Variants in SCAF8 observed in about 807,000 individuals in gnomAD.
The protein encoded by SCAF8 is SR-related and CTD-associated factor 8.
SCAF8 carries 23 observed loss-of-function variants against 140.5 expected under a neutral mutation model. The ratio of observed to expected loss-of-function variants is 0.16; its 90% CI spans 0.12 to 0.23. The LOEUF (loss-of-function observed/expected upper bound fraction) is 0.23, where lower values mean the gene tolerates loss of function less well. Ranked by LOEUF, SCAF8 falls within the 10% of genes least tolerant of loss-of-function variation. The pLI, the probability that SCAF8 is intolerant of heterozygous loss-of-function variation, is 1.00. For synonymous variants in SCAF8, 575 were observed against 528.9 expected (o/e 1.09, Z -1.20); for missense variants, 1,397 against 1,555.7 (o/e 0.90, Z 1.72).
At position 154,833,677 on chromosome 6, in the gene SCAF8, A is replaced by T. The variant is rs1022510567; in HGVS notation, c.*282A>T. On this transcript the variant is annotated 3_prime_UTR_variant, in exon 20 of 20. Transcript: ENST00000367178. ...AAGGAAATGAATAACAGCTTGTCAG[A>T]GACTTCCTATGGAAGAAAGAATTTT... 4 of 282,586 alleles carry T rather than the reference A, an allele frequency of 1.4e-5. No homozygotes were observed. The highest frequency in any genetic ancestry group is 9.6e-5 in the Admixed American group (2 of 20,892). The allele number at this position is 282,586 out of a possible 1,614,324, so 17.5% of individuals were successfully genotyped here. A position where few individuals can be genotyped will look rare whatever the true frequency, so the allele number is the denominator to read the frequency against.
Position 154,802,165 on chromosome 6 carries a change from G to C in SCAF8, c.783+18G>C. The C allele has an allele frequency of 3.3e-6, 5 of 1,501,310 alleles. No homozygotes were observed. The highest frequency in any genetic ancestry group is 4.5e-6 in the Non-Finnish European group (5 of 1,107,522). 93.0% of individuals were successfully genotyped at this position (1,501,310 alleles called of 1,614,324 possible). A position where few individuals can be genotyped will look rare whatever the true frequency, so the allele number is the denominator to read the frequency against. ...TTAACAAGGTAGAAATTAAAATATC[G>C]GATCAAGTCTATATGAATTATTAAA... On this transcript the variant is annotated intron_variant, in intron 7 of 19. Transcript: ENST00000367178.
intron 8 of SCAF8, among the ~76,000 whole-genome samples, chr6:154,804,931 A>G (rs553563280): frequency 2.0e-3 from 298 of 152,294 alleles, no homozygotes; most frequent in Non-Finnish European, 2.7e-3. Flanking sequence ...TAGTTTTATA[A>G]ATTTTATGGT....
At chr6:154,735,683 T>C (rs1778397753) in intron 1 of SCAF8, among the ~76,000 whole-genome samples, 1 of 151,920 alleles carries the variant, frequency 6.6e-6, no homozygotes, top group South Asian at 2.1e-4. Flanking sequence ...CCCGCTAATT[T>C]TTGTATTTTT....
At chr6:154,746,254 G>C (rs1778696354) in intron 1 of SCAF8, among the ~76,000 whole-genome samples, 3 of 152,166 alleles carry the variant, frequency 2.0e-5, no homozygotes, top group South Asian at 4.2e-4. Context: ...TTTTGACTAG[G>C]CAAGCTGGCT....
intron 17 of SCAF8, among the ~76,000 whole-genome samples, chr6:154,825,720 G>A (rs1219879262): frequency 3.4e-5 from 5 of 147,942 alleles, no homozygotes; most frequent in African/African-American, 1.3e-4. Flanking sequence ...GAAGAATGAT[G>A]GAGAGATACT....
chr6:154,781,704 C>T (rs962072080), intron 3 of SCAF8, among the ~76,000 whole-genome samples: 1 of 152,150 alleles, frequency 6.6e-6, no homozygotes, highest in African/African-American at 2.4e-5. Flanking sequence ...TGGGGTTCAT[C>T]TGGGTTGTTT....
chr6:154,787,463 C>T (rs1430142936), intron 3 of SCAF8, among the ~76,000 whole-genome samples: 2 of 152,170 alleles, frequency 1.3e-5, no homozygotes, highest in Admixed American at 6.5e-5. Context: ...CGTAGGAACC[C>T]TTTTGTTGTG....
intron 1 of SCAF8, among the ~76,000 whole-genome samples, chr6:154,741,661 C>T (rs917611866): frequency 6.6e-6 from 1 of 152,184 alleles, no homozygotes; most frequent in African/African-American, 2.4e-5. Context: ...CCCGCCTCGG[C>T]CTCCCAAAGT....
chr6:154,749,918 C>T (rs926319198), intron 1 of SCAF8, among the ~76,000 whole-genome samples: 2 of 151,888 alleles, frequency 1.3e-5, no homozygotes, highest in Non-Finnish European at 2.9e-5. Flanking sequence ...GGATGAGGGG[C>T]TCAATTAAAG....
chr6:154,833,069 G>C lies in SCAF8; in HGVS notation c.3490G>C (p.Asp1164His). The C allele has an allele frequency of 6.2e-7, 1 of 1,614,170 alleles. No individual in the cohort carries two copies. Among genetic ancestry groups the C allele is most frequent in the Non-Finnish European group, 8.5e-7 (1 of 1,180,024 alleles). Reference sequence around the variant, plus strand: ...CTGGGAGAGGCAAAGGGATAGGGATGACAGAGATTTTGATTTCTGCAGAGA... The same window carrying C: ...CTGGGAGAGGCAAAGGGATAGGGATCACAGAGATTTTGATTTCTGCAGAGA... ...RPWERQRDRD[D>H]RDFDFCREMN... The change falls in exon 20 of 20, where the codon GAC (aspartate) becomes CAC (histidine). Residue 1164 changes from aspartate to histidine, a missense_variant. By Grantham distance (81) the Asp-to-His change is moderately conservative (BLOSUM62 -1). Around this residue, in one of 5 missense-constraint regions of SCAF8, gnomAD observed 930 missense variants for 874.6 expected, o/e 1.06. Coordinates refer to ENST00000367178, the MANE Select transcript of SCAF8 (RefSeq NM_014892.5).
intron 17 of SCAF8, among the ~76,000 whole-genome samples, chr6:154,826,613 A>AGTGT (rs2114687517): frequency 6.6e-6 from 1 of 152,264 alleles, no homozygotes; most frequent in East Asian, 1.9e-4. Context: ...CGAGTGCCAT[A>AGTGT]GTGTGTGCTT....
intron 10 of SCAF8, 41 bp from the exon 11 acceptor site, chr6:154,808,645 A>G (rs377516415): frequency 5.3e-5 from 65 of 1,230,912 alleles, no homozygotes; most frequent in Non-Finnish European, 6.9e-5. Context: ...CTCTGTCTCA[A>G]CCAGCCTTTC....
intron 1 of SCAF8, among the ~76,000 whole-genome samples, chr6:154,747,081 A>G (rs896050837): frequency 1.3e-5 from 2 of 152,220 alleles, no homozygotes; most frequent in African/African-American, 4.8e-5. Context: ...GGTGAAAGAA[A>G]GTATATATTT....
At chr6:154,736,819 G>A (rs1778434597) in intron 1 of SCAF8, among the ~76,000 whole-genome samples, 1 of 152,130 alleles carries the variant, frequency 6.6e-6, no homozygotes, top group African/African-American at 2.4e-5. Flanking sequence ...TCCCCATATG[G>A]ATTTCAAAGA....
chr6:154,781,375 G>A (rs1296525107), intron 3 of SCAF8, among the ~76,000 whole-genome samples: 1 of 152,140 alleles, frequency 6.6e-6, no homozygotes, highest in Non-Finnish European at 1.5e-5. Context: ...CTATCCTCAT[G>A]GATAGGAAGA....
chr6:154,762,328 T>C (rs770639646), intron 1 of SCAF8, among the ~76,000 whole-genome samples: 4 of 152,220 alleles, frequency 2.6e-5, no homozygotes. Flanking sequence ...TCTTCCAAAT[T>C]CATTCAGGCT....
At chr6:154,757,094 C>G (rs949665740) in intron 1 of SCAF8, among the ~76,000 whole-genome samples, 8 of 152,050 alleles carry the variant, frequency 5.3e-5, no homozygotes, top group Non-Finnish European at 8.8e-5. Flanking sequence ...GGTGCAACCT[C>G]TGTCTTCTGG....
At chr6:154,762,669 AT>A (rs1355975013) in intron 1 of SCAF8, among the ~76,000 whole-genome samples, 2 of 151,936 alleles carry the variant, frequency 1.3e-5, no homozygotes, top group Non-Finnish European at 2.9e-5. Flanking sequence ...TCCTTTTAAT[AT>A]TTTTTTGTGA....
At chr6:154,820,116 T>C (rs1486700146) in intron 14 of SCAF8, 61 bp from the exon 15 acceptor site, 1 of 1,334,298 alleles carries the variant, frequency 7.5e-7, no homozygotes, top group East Asian at 2.6e-5. Flanking sequence ...TTGAACTTTT[T>C]ACCTTGTTTT....
Sources: allele counts gnomAD v4.1 joint callset (sites outside exome capture counted in the v4.1 genomes callset), GRCh38; gene constraint gnomAD v4.1.1; regional missense constraint gnomAD v4.1.1; transcripts MANE v1.5; gene names NCBI Gene and HGNC (gene_info 2026-07-23, HGNC 2026-07-21).